Variants in AKNA observed in about 807,000 individuals in gnomAD.
AKNA encodes the protein microtubule organization protein AKNA.
In AKNA, 67 loss-of-function variants were observed where a neutral mutation model predicts 138.8. The observed-to-expected ratio is 0.48, with a 90% confidence interval of 0.40 to 0.59. The LOEUF is 0.59. Ranked by LOEUF, AKNA falls within the 20% of genes least tolerant of loss-of-function variation. The pLI, the probability that AKNA is intolerant of heterozygous loss-of-function variation, is 0.00. For synonymous variants in AKNA, 737 were observed against 754.4 expected (o/e 0.98, Z 0.38); for missense variants, 1,813 against 1,880.4 (o/e 0.96, Z 0.66).
rs540692353 is a variant in AKNA at position 114,336,556 on chromosome 9, G to A, written c.*498C>T. The stretch of plus-strand genomic sequence containing the variant: ...TGCCCCACTGACTACCAGTCACTAG[G>A]AGAAAGGTCTCCGGCTATGCCCTTC... On this transcript the variant is annotated 3_prime_UTR_variant, in exon 22 of 22. Transcript: ENST00000374088. 11 of 154,422 alleles carry A rather than the reference G, an allele frequency of 7.1e-5. No homozygotes were observed. Among genetic ancestry groups the A allele is most frequent in the African/African-American group, 2.2e-4 (9 of 41,708 alleles). The allele number at this position is 154,422 out of a possible 1,614,324, so 9.6% of individuals were successfully genotyped here. A position where few individuals can be genotyped will look rare whatever the true frequency, so the allele number is the denominator to read the frequency against.
intron 14 of AKNA, among the ~76,000 whole-genome samples, 170 bp from the exon 15 acceptor site, chr9:114,351,191 T>A (rs766085380): frequency 6.6e-6 from 1 of 152,060 alleles, no homozygotes; most frequent in Non-Finnish European, 1.5e-5. Context: ...AACCAGAAGA[T>A]CTAGATTTTG....
intron 4 of AKNA, among the ~76,000 whole-genome samples, chr9:114,373,071 G>C (rs73656091): frequency 0.06 from 9,053 of 151,334 alleles, 904 homozygotes; most frequent in African/African-American, 0.21. Flanking sequence ...GAGAGCAGCA[G>C]CTGTGGCAGG....
At chr9:114,372,184 G>A (rs1832817048) in intron 4 of AKNA, among the ~76,000 whole-genome samples, 1 of 152,190 alleles carries the variant, frequency 6.6e-6, no homozygotes, top group African/African-American at 2.4e-5. Context: ...GGGGTTGGGG[G>A]AGGGAGCAGA....
At position 114,334,270 on chromosome 9, in the gene AKNA, C is replaced by T. The variant is rs1450173463; in HGVS notation, c.*2784G>A. On this transcript the variant is annotated 3_prime_UTR_variant, in exon 22 of 22. Coordinates refer to ENST00000374088, the MANE Select transcript of AKNA (RefSeq NM_001317950.2). ...GGTGCCTATCACAAGGACCTTATTC[C>T]AGTATTACCATGGCCATCGGGGGAG... 7.7e-6 allele frequency: 1 copy of T among 129,342 alleles called. No homozygotes were observed. The highest frequency in any genetic ancestry group is 3.9e-5 in the African/African-American group (1 of 25,516). The allele number at this position is 129,342 out of a possible 1,614,324, so 8.0% of individuals were successfully genotyped here.
intron 11 of AKNA, chr9:114,359,330 C>T: frequency 1.5e-6 from 1 of 645,764 alleles, no homozygotes; most frequent in Non-Finnish European, 2.5e-6. Flanking sequence ...TGGCCTCCCT[C>T]AATGCTGGGA....
chr9:114,364,328 T>C (rs1161517854), intron 7 of AKNA, among the ~76,000 whole-genome samples: 1 of 152,064 alleles, frequency 6.6e-6, no homozygotes, highest in Non-Finnish European at 1.5e-5. Context: ...AATAACATAC[T>C]CTAGGGTTTA....
At chr9:114,355,163 C>T (rs1192483077) in intron 14 of AKNA, among the ~76,000 whole-genome samples, 11 of 146,226 alleles carry the variant, frequency 7.5e-5, no homozygotes, top group Admixed American at 6.9e-5. Flanking sequence ...CCACCATGCC[C>T]GGCCTGTACT....
In AKNA at chr9:114,376,878, C is replaced by G. The variant is rs762007276; in HGVS notation, c.929G>C (p.Arg310Pro). The change falls in exon 3 of 22, where the codon CGA becomes CCA. Residue 310 changes from arginine (R) to proline (P), a missense_variant. Arg to Pro is a moderately radical substitution (Grantham distance 103, BLOSUM62 -2). Coordinates refer to ENST00000374088, the MANE Select transcript of AKNA (RefSeq NM_001317950.2). ...CAGGGGGCTGATGGAGCCAATGAAT[C>G]GGGAAGGGAGTGGCTTAGGTGACGT... ...TKTSPKPLPS[R>P]FIGSISPLNP... 3.1e-6 allele frequency: 5 copies of G among 1,614,028 alleles called. No homozygotes were observed. In the South Asian group the frequency reaches 5.5e-5, roughly 18 times the overall value.
At position 114,377,009 on chromosome 9, in the gene AKNA, T is replaced by C. The variant is rs753436871; in HGVS notation, c.798A>G (p.Ser266=). 2.5e-6 allele frequency: 4 copies of C among 1,613,968 alleles called. No homozygotes were observed. The highest frequency in any genetic ancestry group is 3.4e-6 in the Non-Finnish European group (4 of 1,179,952). ...RATPMEFQDS[S]APPAQSPQHA... is the part of the protein sequence containing the mutation. ...GCTGCGGACTCTGGGCTGGGGGAGCTGAGGAGTCCTGGAATTCCATGGGGG... is the reference window on the plus strand; with the variant it reads ...GCTGCGGACTCTGGGCTGGGGGAGCCGAGGAGTCCTGGAATTCCATGGGGG... The change falls in exon 3 of 22, where the codon TCA becomes TCG. Residue 266 remains serine, a synonymous_variant. Coordinates refer to ENST00000374088, the MANE Select transcript of AKNA (RefSeq NM_001317950.2).
intron 7 of AKNA, among the ~76,000 whole-genome samples, chr9:114,362,844 G>A (rs1199296487): frequency 1.3e-5 from 2 of 152,086 alleles, no homozygotes; most frequent in Non-Finnish European, 2.9e-5. Flanking sequence ...TGTCATAGCT[G>A]TCACAGTGTC....
chr9:114,337,124 C>T lies in AKNA; in HGVS notation c.4250G>A (p.Arg1417Lys). Residue 1417 changes from arginine (R) to lysine (K), a missense_variant, in exon 22 of 22, where the codon AGG becomes AAG. Arg to Lys is a conservative substitution (Grantham distance 26). Transcript: ENST00000374088. Reference protein sequence around the residue: ...QAAESVRSTTRQMRSSLSADL... With the variant: ...QAAESVRSTTKQMRSSLSADL... ...GGCTGACAGCGAGCTTCTCATCTGC[C>T]TGGTGGTAGAGCGGACGCTCTCGGC... 1.2e-6 allele frequency: 2 copies of T among 1,608,084 alleles called. No individual in the cohort carries two copies. The highest frequency in any genetic ancestry group is 8.5e-7 in the Non-Finnish European group (1 of 1,177,192).
At chr9:114,333,979 G>T (rs1293071265), downstream of AKNA, among the ~76,000 whole-genome samples, 1 of 127,494 alleles carries the variant, frequency 7.8e-6, no homozygotes, top group African/African-American at 3.1e-5. Flanking sequence ...TTCTCACAAG[G>T]TCTCATTGTT....
Position 114,367,959 on chromosome 9 carries a change from C to T in AKNA, c.1574-262G>A, listed in dbSNP as rs547766145. The stretch of plus-strand genomic sequence containing the variant: ...AGGCCTCTGGGTTCCCAGTCAACAG[C>T]GTGGGCTCTCACACAGGGAGACGTG... On this transcript the variant is annotated intron_variant, in intron 5 of 21. Coordinates refer to ENST00000374088, the MANE Select transcript of AKNA (RefSeq NM_001317950.2). Among the ~76,000 whole-genome samples the T allele has an allele frequency of 3.9e-5, 6 of 152,370 alleles. No individual in the cohort carries two copies. In the South Asian group the frequency reaches 1.0e-3, roughly 26 times the overall value.
At chr9:114,390,755 C>T (rs527495666), upstream of AKNA, among the ~76,000 whole-genome samples, 1 of 152,234 alleles carries the variant, frequency 6.6e-6, no homozygotes, top group Non-Finnish European at 1.5e-5. Flanking sequence ...CATGCTCCTG[C>T]CATACAGGCC....
intron 2 of AKNA, 62 bp downstream of exon 2, chr9:114,380,998 A>C (rs1434727758): frequency 2.2e-5 from 31 of 1,406,596 alleles, no homozygotes; most frequent in Non-Finnish European, 2.9e-5. Context: ...AAAAAAAAAA[A>C]AAAGAACGTG....
chr9:114,359,150 C>T (rs1207364434), intron 11 of AKNA: 1 of 171,250 alleles, frequency 5.8e-6, no homozygotes, highest in African/African-American at 2.4e-5. Flanking sequence ...CTCACTGCAA[C>T]CTCCGCCTCC....
chr9:114,361,843 GT>G lies in AKNA; in HGVS notation c.1984del (p.Thr662ProfsTer64). On this transcript the variant is annotated frameshift_variant, in exon 9 of 22. Transcript: ENST00000374088. LOFTEE classifies it high-confidence loss of function. ...CCCGGGCGGCTCAGGCTCTTGCTGGGTCTGGTCTATGTGTTCCTTCAGCTCT... is the reference window on the plus strand; with the variant it reads ...CCCGGGCGGCTCAGGCTCTTGCTGGGCTGGTCTATGTGTTCCTTCAGCTCT... ...LEELKEHIDQ[T>X]QQEPEPPGSD... 6.2e-7 allele frequency: 1 copy of G among 1,612,128 alleles called. No homozygotes were observed. Among genetic ancestry groups the G allele is most frequent in the Non-Finnish European group, 8.5e-7 (1 of 1,180,000 alleles).
upstream of AKNA, chr9:114,388,035 C>T (rs1164350451): frequency 7.3e-6 from 2 of 272,626 alleles, no homozygotes; most frequent in African/African-American, 2.2e-5. Context: ...CTCTCCCCGC[C>T]CCTGCCGTGG....
At chr9:114,373,915 G>A (rs939651207) in intron 4 of AKNA, among the ~76,000 whole-genome samples, 178 bp downstream of exon 4, 4 of 149,622 alleles carry the variant, frequency 2.7e-5, no homozygotes, top group East Asian at 2.0e-4. Context: ...AAAGCCCAGG[G>A]AAGGCAAGGT....
Sources: allele counts gnomAD v4.1 joint callset (sites outside exome capture counted in the v4.1 genomes callset), GRCh38; gene constraint gnomAD v4.1.1; transcripts MANE v1.5; gene names NCBI Gene and HGNC (gene_info 2026-07-23, HGNC 2026-07-21).